Variants in FMN2 observed in about 807,000 individuals in gnomAD.
FMN2 encodes the protein formin-2.
FMN2 carries 51 observed loss-of-function variants against 142.3 expected under a neutral mutation model. The observed-to-expected ratio is 0.36, with a 90% confidence interval of 0.29 to 0.45. The LOEUF is 0.45. Among genes scored for constraint, FMN2 ranks in the 20% least tolerant of loss-of-function variants. The probability of loss-of-function intolerance (pLI) is 1.00; values close to 1 mark genes in which losing one functional copy is unlikely to be tolerated. For missense variants in FMN2, 1,936 were observed against 2,122.8 expected, an observed-to-expected ratio of 0.91 and a Z score of 1.73; for synonymous variants, 882 against 869.8, an observed-to-expected ratio of 1.01 and a Z score of -0.25.
rs199628038 is a variant in FMN2 at position 240,207,640 on chromosome 1, C to T, written c.2828C>T (p.Pro943Leu). The change falls in exon 5 of 18, where the codon CCT (proline) becomes CTT (leucine). Residue 943 changes from proline to leucine, a missense_variant. This residue lies in a region of FMN2 where 478 missense variants were observed against 462.8 expected (regional missense o/e 1.03). Transcript: ENST00000319653. ...PLPPLPGAGI[P>L]PPPPLPGAAI... ...CCCCCTCTACCCGGAGCGGGAATAC[C>T]TCCTCCGCCCCCTCTACCCGGAGCG... 266 of 1,068,980 alleles carry T rather than the reference C, an allele frequency of 2.5e-4. 5 individuals are homozygous for T. Among genetic ancestry groups the T allele is most frequent in the South Asian group, 6.1e-4 (34 of 55,720 alleles). The allele number at this position is 1,068,980 out of a possible 1,614,324, so 66.2% of individuals were successfully genotyped here. A position where few individuals can be genotyped will look rare whatever the true frequency, so the allele number is the denominator to read the frequency against.
At chr1:240,263,742 T>C (rs1175317920) in intron 7 of FMN2, among the ~76,000 whole-genome samples, 1 of 152,160 alleles carries the variant, frequency 6.6e-6, no homozygotes, top group Non-Finnish European at 1.5e-5. Flanking sequence ...AAGGAATACC[T>C]AATATCTATT....
At chr1:240,411,654 A>G (rs534679815) in intron 15 of FMN2, among the ~76,000 whole-genome samples, 1 of 147,090 alleles carries the variant, frequency 6.8e-6, no homozygotes, top group African/African-American at 2.5e-5. Context: ...TCTGAGAAGC[A>G]TTTCATGTTC....
chr1:240,446,628 G>A (rs1393975970), intron 16 of FMN2, among the ~76,000 whole-genome samples: 1 of 152,098 alleles, frequency 6.6e-6, no homozygotes, highest in Non-Finnish European at 1.5e-5. Flanking sequence ...TTTTTCAGGG[G>A]CAATTTTTAA....
chr1:240,227,144 A>T (rs1233584214), intron 6 of FMN2, among the ~76,000 whole-genome samples: 2 of 152,244 alleles, frequency 1.3e-5, no homozygotes, highest in Non-Finnish European at 2.9e-5. Flanking sequence ...ATCTAATTGT[A>T]TTTCTAGACA....
At chr1:240,182,101 G>A (rs1665179501) in intron 3 of FMN2, among the ~76,000 whole-genome samples, 1 of 152,202 alleles carries the variant, frequency 6.6e-6, no homozygotes, top group Non-Finnish European at 1.5e-5. Flanking sequence ...GCACATTAAT[G>A]CAAGATTTGA....
intron 16 of FMN2, among the ~76,000 whole-genome samples, chr1:240,442,136 T>G (rs1675641545): frequency 6.6e-6 from 1 of 152,124 alleles, no homozygotes; most frequent in African/African-American, 2.4e-5. Context: ...CTATTCTTTC[T>G]CCTCCTTTTT....
At chr1:240,390,538 TTTC>T (rs1673571623) in intron 14 of FMN2, among the ~76,000 whole-genome samples, 3 of 152,236 alleles carry the variant, frequency 2.0e-5, no homozygotes, top group Non-Finnish European at 4.4e-5. Flanking sequence ...CTGTATGTGT[TTTC>T]TTTATTGAAT....
intron 2 of FMN2, among the ~76,000 whole-genome samples, chr1:240,128,673 T>G (rs1421248081): frequency 5.9e-5 from 9 of 152,030 alleles, no homozygotes; most frequent in Admixed American, 5.9e-4. Flanking sequence ...AAGCTAAAAT[T>G]AAAGACAAGG....
At position 240,203,491 on chromosome 1, in the gene FMN2, C is replaced by T. The variant is rs7517169; in HGVS notation, c.1987-3308C>T. ...TACTATGCAGACACAAAAAGGAATGCGATCATGTCCTTTGCAGCGACATGG... is the reference window on the plus strand; with the variant it reads ...TACTATGCAGACACAAAAAGGAATGTGATCATGTCCTTTGCAGCGACATGG... On this transcript the variant is annotated intron_variant, in intron 4 of 17. Transcript: ENST00000319653. 3.8e-4 allele frequency among the ~76,000 whole-genome samples: 58 copies of T among 152,136 alleles called. 1 individual carries two copies. The East Asian group carries it at 0.011, about 28-fold the overall frequency.
At chr1:240,281,280 T>C (rs1399169088) in intron 7 of FMN2, among the ~76,000 whole-genome samples, 1 of 152,142 alleles carries the variant, frequency 6.6e-6, no homozygotes, top group African/African-American at 2.4e-5. Context: ...TTATTGTCTG[T>C]ATCTTACAGT....
At chr1:240,386,281 T>C (rs912293759) in intron 14 of FMN2, among the ~76,000 whole-genome samples, 1 of 152,162 alleles carries the variant, frequency 6.6e-6, no homozygotes, top group African/African-American at 2.4e-5. Context: ...CTAAAAAATA[T>C]CCCATACTGG....
intron 6 of FMN2, among the ~76,000 whole-genome samples, chr1:240,220,522 G>A (rs1667062886): frequency 6.6e-6 from 1 of 152,050 alleles, no homozygotes; most frequent in Middle Eastern, 3.2e-3. Flanking sequence ...ATGGAAGTAG[G>A]GAGGGTGTGA....
intron 15 of FMN2, among the ~76,000 whole-genome samples, chr1:240,437,848 A>G (rs139560419): frequency 2.0e-3 from 297 of 152,294 alleles, no homozygotes; most frequent in African/African-American, 6.8e-3. Context: ...GGTAGTTATT[A>G]GTATGTGGAG....
At chr1:240,264,135 T>C (rs1052445802) in intron 7 of FMN2, among the ~76,000 whole-genome samples, 1 of 152,150 alleles carries the variant, frequency 6.6e-6, no homozygotes, top group African/African-American at 2.4e-5. Flanking sequence ...ACAAGGACAA[T>C]GCACAGGCTC....
chr1:240,122,345 CCTCCGCCACCCAGCTTCAAG>C (rs1391572883), intron 1 of FMN2, among the ~76,000 whole-genome samples: 2 of 151,994 alleles, frequency 1.3e-5, no homozygotes, highest in South Asian at 2.1e-4. Context: ...CTCACTGCAA[CCTCCGCCACCCAGCTTCAAG>C]CTCCGCCACC....
chr1:240,362,128 T>C (rs1050777982), intron 14 of FMN2, among the ~76,000 whole-genome samples: 1 of 152,164 alleles, frequency 6.6e-6, no homozygotes, highest in Non-Finnish European at 1.5e-5. Flanking sequence ...GCTTTTAACA[T>C]AGAAGTGAAG....
At chr1:240,127,395 T>A (rs2103226937) in intron 2 of FMN2, among the ~76,000 whole-genome samples, 2 of 150,278 alleles carry the variant, frequency 1.3e-5, no homozygotes, top group South Asian at 4.3e-4. Flanking sequence ...AAATGGGAGC[T>A]TTTGGGAGGT....
chr1:240,202,148 T>C (rs971352351), intron 4 of FMN2, among the ~76,000 whole-genome samples: 3 of 152,180 alleles, frequency 2.0e-5, no homozygotes, highest in Non-Finnish European at 4.4e-5. Flanking sequence ...GCAAATGTAG[T>C]TTTTCTTTGT....
intron 15 of FMN2, among the ~76,000 whole-genome samples, chr1:240,427,094 A>C (rs1052082918): frequency 2.1e-4 from 32 of 152,054 alleles, no homozygotes; most frequent in Admixed American, 2.0e-3. Flanking sequence ...CTCCTAAAAA[A>C]TGATTAGGCC....
Sources: allele counts gnomAD v4.1 joint callset (sites outside exome capture counted in the v4.1 genomes callset), GRCh38; gene constraint gnomAD v4.1.1; regional missense constraint gnomAD v4.1.1; transcripts MANE v1.5; gene names NCBI Gene and HGNC (gene_info 2026-07-23, HGNC 2026-07-21).